QDPR: variants seen among roughly 807,000 people sequenced by gnomAD.
QDPR encodes quinoid dihydropteridine reductase.
A neutral mutation model predicts 31.7 loss-of-function variants in QDPR; 23 were observed. The ratio of observed to expected loss-of-function variants is 0.73; its 90% CI spans 0.52 to 1.03. The LOEUF is 1.03. Among genes scored for constraint, QDPR ranks in the 50% least tolerant of loss-of-function variants. The pLI, the probability that QDPR is intolerant of heterozygous loss-of-function variation, is 0.00. For synonymous variants in QDPR, 124 were observed against 124.7 expected, an observed-to-expected ratio of 0.99 and a Z score of 0.03; for missense variants, 324 against 323.8, an observed-to-expected ratio of 1.00 and a Z score of 0.00.
rs139880319 is a variant in QDPR at position 17,499,456 on chromosome 4, T to C, written c.436+2263A>G. Among the ~76,000 whole-genome samples the C allele has an allele frequency of 6.6e-5, 10 of 152,348 alleles. No homozygotes were observed. In the East Asian group the frequency reaches 1.9e-3, roughly 29 times the overall value. Reference sequence around the variant, plus strand: ...TTTCTACTGCCTCTGTTCCGTGTCATCTTAAATAAAAATCAGATCTCAACC... The same window carrying C: ...TTTCTACTGCCTCTGTTCCGTGTCACCTTAAATAAAAATCAGATCTCAACC... On this transcript the variant is annotated intron_variant, in intron 4 of 6. Transcript: ENST00000281243.
chr4:17,494,983 C>T (rs1207106054), intron 4 of QDPR, among the ~76,000 whole-genome samples: 2 of 152,280 alleles, frequency 1.3e-5, no homozygotes, highest in East Asian at 3.9e-4. Context: ...GCGGAGGGAG[C>T]CCAGCCTGGT....
In QDPR at chr4:17,486,957, C is replaced by T. The variant is rs1277285769; in HGVS notation, c.*174G>A. ...ACCAGTCTCGCATGTCTTTACTTCA[C>T]ATAAATGTATTACACTGTCCTAGGA... On this transcript the variant is annotated 3_prime_UTR_variant, in exon 7 of 7. Coordinates refer to ENST00000281243, the MANE Select transcript of QDPR (RefSeq NM_000320.3). 3.1e-6 allele frequency: 2 copies of T among 646,150 alleles called. No homozygotes were observed. The highest frequency in any genetic ancestry group is 5.6e-6 in the Non-Finnish European group (2 of 357,164). The allele number at this position is 646,150 out of a possible 1,614,324, so 40.0% of individuals were successfully genotyped here.
chr4:17,495,338 G>T (rs1419709318), intron 4 of QDPR, among the ~76,000 whole-genome samples: 1 of 152,150 alleles, frequency 6.6e-6, no homozygotes. Context: ...CCATGTCATG[G>T]AGCCTCTTCT....
chr4:17,500,714 G>A (rs937902563), intron 4 of QDPR, among the ~76,000 whole-genome samples: 1 of 152,206 alleles, frequency 6.6e-6, no homozygotes, highest in South Asian at 2.1e-4. Context: ...CACCCAGTCT[G>A]TGGCTACCCA....
chr4:17,504,473 C>G lies in QDPR; in HGVS notation c.201G>C (p.Val67=), dbSNP rs761139777. ...TDSFTEQADQ[V]TAEVGKLLGE... The stretch of plus-strand genomic sequence containing the variant: ...CCAAGAGCTTTCCAACCTCAGCAGT[C>G]ACCTTCAACACAAGAACAAAAAAAT... Residue 67 remains valine (V), a splice_region_variant and synonymous_variant, in exon 3 of 7, where the codon GTG becomes GTC. Transcript: ENST00000281243. 1 of 1,613,392 alleles carries G rather than the reference C, an allele frequency of 6.2e-7. No individual in the cohort carries two copies. The highest frequency in any genetic ancestry group is 8.5e-7 in the Non-Finnish European group (1 of 1,179,300).
At chr4:17,499,863 G>A (rs75977203) in intron 4 of QDPR, among the ~76,000 whole-genome samples, 511 of 152,270 alleles carry the variant, frequency 3.4e-3, no homozygotes, top group Middle Eastern at 6.8e-3. Context: ...AAGCTACAGT[G>A]AGCTAGATCA....
At position 17,490,425 on chromosome 4, in the gene QDPR, G is replaced by A. The variant is rs73800218; in HGVS notation, c.629+237C>T. 4.8e-3 allele frequency: 2,423 copies of A among 506,420 alleles called. 49 individuals are homozygous for A. Among genetic ancestry groups the A allele is most frequent in the African/African-American group, 0.042 (2,186 of 52,132 alleles). 31.4% of individuals were successfully genotyped at this position (506,420 alleles called of 1,614,324 possible). A position where few individuals can be genotyped will look rare whatever the true frequency, so the allele number is the denominator to read the frequency against. On this transcript the variant is annotated intron_variant, in intron 6 of 6. Coordinates refer to ENST00000281243, the MANE Select transcript of QDPR (RefSeq NM_000320.3). Reference sequence around the variant, plus strand: ...TAATGTGCTCAGCATGGCCGGTGGTGAGGGAGCGAGCCAGGATTCATGTCG... The same window carrying A: ...TAATGTGCTCAGCATGGCCGGTGGTAAGGGAGCGAGCCAGGATTCATGTCG...
At chr4:17,500,421 C>T (rs1047377448) in intron 4 of QDPR, among the ~76,000 whole-genome samples, 16 of 152,238 alleles carry the variant, frequency 1.1e-4, no homozygotes, top group African/African-American at 3.9e-4. Context: ...TATTGAAGTC[C>T]TAATTCCCAG....
intron 2 of QDPR, among the ~76,000 whole-genome samples, chr4:17,508,600 GT>G: frequency 6.7e-6 from 1 of 149,110 alleles, no homozygotes; most frequent in South Asian, 2.1e-4. Flanking sequence ...CTACAAAGAG[GT>G]TTTTTCAGTA....
chr4:17,509,147 G>A, intron 2 of QDPR, 124 bp downstream of exon 2: 1 of 797,684 alleles, frequency 1.3e-6, no homozygotes, highest in Non-Finnish European at 2.1e-6. Context: ...GACAGAGCAA[G>A]ACTCCGTCTC....
chr4:17,490,860 G>A, intron 5 of QDPR, 115 bp from the exon 6 acceptor site: 1 of 741,524 alleles, frequency 1.3e-6, no homozygotes, highest in East Asian at 2.8e-5. Flanking sequence ...AGAGCCTCTG[G>A]CACTGAGGGT....
chr4:17,505,175 G>A (rs1380434324), intron 2 of QDPR, among the ~76,000 whole-genome samples: 1 of 150,812 alleles, frequency 6.6e-6, no homozygotes, highest in African/African-American at 2.4e-5. Flanking sequence ...CGACTCTTCC[G>A]TATTTCTCTG....
intron 1 of QDPR, among the ~76,000 whole-genome samples, chr4:17,510,524 T>C (rs1411985): frequency 0.37 from 56,660 of 151,976 alleles, 10,770 homozygotes; most frequent in African/African-American, 0.39. Context: ...TGTTATCCCA[T>C]GGGGGATACT....
Position 17,492,270 on chromosome 4 carries a change from G to A in QDPR, c.507C>T (p.Ser169=), listed in dbSNP as rs774932503. 41 of 1,613,986 alleles carry A rather than the reference G, an allele frequency of 2.5e-5. 1 individual carries two copies. Among genetic ancestry groups the A allele is most frequent in the South Asian group, 2.0e-4 (18 of 91,084 alleles). ...TGGCGGCTGCCCCGGGCGGCATGCC[G>A]CTGTTCTTCCCAGCCAGGCTCTGGC... ...QLCQSLAGKN[S]GMPPGAAAIA... is the part of the protein sequence containing the mutation. The change falls in exon 5 of 7, where the codon AGC becomes AGT. Residue 169 remains serine, a synonymous_variant. Transcript: ENST00000281243.
chr4:17,501,666 C>T (rs1189570536), intron 4 of QDPR, 53 bp downstream of exon 4: 1 of 1,607,230 alleles, frequency 6.2e-7, no homozygotes, highest in African/African-American at 1.3e-5. Flanking sequence ...CCCAGCAGCC[C>T]CAGCAAGCAA....
intron 2 of QDPR, among the ~76,000 whole-genome samples, chr4:17,508,718 T>C (rs900532423): frequency 1.6e-4 from 1 of 6,108 alleles, no homozygotes; most frequent in Non-Finnish European, 1.9e-3. Flanking sequence ...ACAATATGCA[T>C]AGAAAAAGAC....
chr4:17,492,113 T>C (rs1718184937), intron 5 of QDPR, 119 bp downstream of exon 5: 7 of 728,988 alleles, frequency 9.6e-6, no homozygotes, highest in Admixed American at 7.3e-5. Flanking sequence ...CTTTGGTGTG[T>C]TTCAGAACCA....
intron 4 of QDPR, among the ~76,000 whole-genome samples, chr4:17,498,800 T>C (rs1718453397): frequency 6.6e-6 from 1 of 152,186 alleles, no homozygotes; most frequent in African/African-American, 2.4e-5. Flanking sequence ...CTCAGTATCC[T>C]TCCAAGTGAA....
In QDPR at chr4:17,504,471, G is replaced by C. The variant is rs772710378; in HGVS notation, c.203C>G (p.Thr68Ser). The change falls in exon 3 of 7, where the codon ACT becomes AGT. Residue 68 changes from threonine to serine, a missense_variant. Physicochemically the swap from Thr to Ser is moderately conservative, Grantham distance 58 (BLOSUM62 1). Transcript: ENST00000281243. ...ACCCAAGAGCTTTCCAACCTCAGCA[G>C]TCACCTTCAACACAAGAACAAAAAA... ...DSFTEQADQV[T>S]AEVGKLLGEE... The C allele has an allele frequency of 2.5e-6, 4 of 1,613,762 alleles. No individual in the cohort carries two copies. The highest frequency in any genetic ancestry group is 3.4e-6 in the Non-Finnish European group (4 of 1,179,738).
Sources: allele counts gnomAD v4.1 joint callset (sites outside exome capture counted in the v4.1 genomes callset), GRCh38; gene constraint gnomAD v4.1.1; transcripts MANE v1.5; gene names NCBI Gene and HGNC (gene_info 2026-07-23, HGNC 2026-07-21).